FAM151B: variants seen among roughly 807,000 people sequenced by gnomAD.
FAM151B encodes the protein protein FAM151B.
A neutral mutation model predicts 31.2 loss-of-function variants in FAM151B; 24 were observed. The ratio of observed to expected loss-of-function variants is 0.77; its 90% CI spans 0.56 to 1.08. The LOEUF is 1.08. FAM151B is among the 50% of genes least tolerant of loss of function. FAM151B has a pLI of 0.00. For synonymous variants in FAM151B, 105 were observed against 111.4 expected, an observed-to-expected ratio of 0.94 and a Z score of 0.36; for missense variants, 293 against 328.6, an observed-to-expected ratio of 0.89 and a Z score of 0.84.
chr5:80,497,259 C>G (rs1191923400), intron 1 of FAM151B, among the ~76,000 whole-genome samples: 4 of 151,958 alleles, frequency 2.6e-5, no homozygotes. Context: ...AACACCATTT[C>G]TACTAAAAAT....
At chr5:80,505,748 A>AGT (rs1743930997) in intron 2 of FAM151B, among the ~76,000 whole-genome samples, 1 of 106,416 alleles carries the variant, frequency 9.4e-6, no homozygotes, top group Non-Finnish European at 1.8e-5. Flanking sequence ...TTCCTATAAG[A>AGT]ATTTTTTTTT....
At chr5:80,501,283 G>A (rs1299569966) in intron 1 of FAM151B, 15 of 592,838 alleles carry the variant, frequency 2.5e-5, no homozygotes, top group African/African-American at 5.7e-5. Context: ...GCCTCCCAAA[G>A]TGCTGGGATT....
chr5:80,490,028 A>ACACACG (rs1363754742), intron 1 of FAM151B, among the ~76,000 whole-genome samples: 1 of 148,940 alleles, frequency 6.7e-6, no homozygotes, highest in African/African-American at 2.6e-5. Context: ...TTACACACAC[A>ACACACG]CACACACACA....
At chr5:80,523,941 C>A (rs1744835862) in intron 5 of FAM151B, among the ~76,000 whole-genome samples, 1 of 152,236 alleles carries the variant, frequency 6.6e-6, no homozygotes, top group East Asian at 1.9e-4. Context: ...ATTTGACATT[C>A]TCTTTTTGCA....
chr5:80,500,239 G>A, intron 1 of FAM151B: 2 of 564,930 alleles, frequency 3.5e-6, no homozygotes, highest in Non-Finnish European at 6.3e-6. Flanking sequence ...ATGGCTATGG[G>A]GAGGGGGAAG....
At chr5:80,527,296 G>A (rs1441978377) in intron 5 of FAM151B, among the ~76,000 whole-genome samples, 1 of 152,124 alleles carries the variant, frequency 6.6e-6, no homozygotes, top group East Asian at 1.9e-4. Context: ...GGTGGCACAC[G>A]TCTGTAATCT....
intron 5 of FAM151B, among the ~76,000 whole-genome samples, chr5:80,528,950 C>T (rs949192473): frequency 3.3e-5 from 5 of 152,184 alleles, no homozygotes; most frequent in Admixed American, 6.5e-5. Flanking sequence ...CTCAGCACCA[C>T]ATCGCATTTA....
At chr5:80,492,157 T>C (rs1471961880) in intron 1 of FAM151B, among the ~76,000 whole-genome samples, 1 of 151,688 alleles carries the variant, frequency 6.6e-6, no homozygotes, top group African/African-American at 2.4e-5. Flanking sequence ...CACTTTATTG[T>C]GCTTTGCAGA....
intron 4 of FAM151B, among the ~76,000 whole-genome samples, chr5:80,520,674 A>G (rs1744661435): frequency 1.4e-5 from 2 of 143,912 alleles, no homozygotes; most frequent in South Asian, 4.3e-4. Context: ...GTGCATATAT[A>G]TATATGTGTG....
chr5:80,501,895 A>C lies in FAM151B; in HGVS notation c.129A>C (p.Ala43=), dbSNP rs751648264. 11 of 1,602,880 alleles carry C rather than the reference A, an allele frequency of 6.9e-6. No homozygotes were observed. In the African/African-American group the frequency reaches 1.3e-4, roughly 20 times the overall value. Residue 43 remains alanine (A), a synonymous_variant, in exon 2 of 6, where the codon GCA becomes GCC. Transcript: ENST00000282226. ...GGTATCATGCAGCTAACCACAAGGC[A>C]CAAACAAATGAGGCACTGAAAAGTA... ...ITWYHAANHK[A]QTNEALKSTA...
chr5:80,507,354 C>T (rs1456293898), intron 2 of FAM151B, among the ~76,000 whole-genome samples: 1 of 152,086 alleles, frequency 6.6e-6, no homozygotes, highest in Non-Finnish European at 1.5e-5. Flanking sequence ...ACTTTGATCC[C>T]TGTCTACTTA....
At chr5:80,497,848 C>T (rs908244028) in intron 1 of FAM151B, among the ~76,000 whole-genome samples, 9 of 151,634 alleles carry the variant, frequency 5.9e-5, no homozygotes, top group East Asian at 3.9e-4. Flanking sequence ...ATGTAAATGA[C>T]GAGTTAATGG....
chr5:80,519,990 CA>C (rs1358445166), intron 4 of FAM151B, 80 bp downstream of exon 4: 1 of 1,322,584 alleles, frequency 7.6e-7, no homozygotes, highest in African/African-American at 1.5e-5. Context: ...ATACAAAGAC[CA>C]AAACCCATTC....
At chr5:80,528,384 T>C (rs1165581063) in intron 5 of FAM151B, among the ~76,000 whole-genome samples, 1 of 151,754 alleles carries the variant, frequency 6.6e-6, no homozygotes, top group Admixed American at 6.6e-5. Context: ...ACATTGAATG[T>C]AAGTGACCTA....
At chr5:80,532,580 T>C (rs1311476845) in intron 5 of FAM151B, among the ~76,000 whole-genome samples, 1 of 152,198 alleles carries the variant, frequency 6.6e-6, no homozygotes, top group African/African-American at 2.4e-5. Context: ...ACTTTCAACA[T>C]TGGACAGATC....
intron 1 of FAM151B, 95 bp from the exon 2 acceptor site, chr5:80,501,697 A>G (rs994848838): frequency 5.2e-6 from 4 of 772,754 alleles, no homozygotes; most frequent in South Asian, 4.3e-5. Flanking sequence ...ACATAACAGC[A>G]TATGTGTATC....
chr5:80,522,694 C>T (rs757028092), intron 5 of FAM151B, among the ~76,000 whole-genome samples: 3 of 151,872 alleles, frequency 2.0e-5, no homozygotes, highest in South Asian at 2.1e-4. Context: ...ACTGGGAGGC[C>T]GAGGCTTCAG....
At chr5:80,518,836 G>A (rs1248468743) in intron 3 of FAM151B, 1 of 152,198 alleles carries the variant, frequency 6.6e-6, no homozygotes, top group Non-Finnish European at 1.5e-5. Context: ...CTCTTAGGAA[G>A]AGAGAGGGAA....
chr5:80,518,681 C>T (rs1744571021), intron 3 of FAM151B: 1 of 152,130 alleles, frequency 6.6e-6, no homozygotes, highest in Non-Finnish European at 1.5e-5. Flanking sequence ...GCCTGGGTTC[C>T]TCTGGTTTTA....
Sources: allele counts gnomAD v4.1 joint callset (sites outside exome capture counted in the v4.1 genomes callset), GRCh38; gene constraint gnomAD v4.1.1; transcripts MANE v1.5; gene names NCBI Gene and HGNC (gene_info 2026-07-23, HGNC 2026-07-21).